PCDHA10: variants seen among roughly 807,000 people sequenced by gnomAD.
PCDHA10 encodes the protein protocadherin alpha-10.
A neutral mutation model predicts 61.2 loss-of-function variants in PCDHA10; 45 were observed. The ratio of observed to expected loss-of-function variants is 0.74; its 90% CI spans 0.58 to 0.94. PCDHA10 has a LOEUF of 0.94. Among genes scored for constraint, PCDHA10 ranks in the 40% least tolerant of loss-of-function variants. The pLI, the probability that PCDHA10 is intolerant of heterozygous loss-of-function variation, is 0.00. For synonymous variants in PCDHA10, 602 were observed against 548.8 expected (o/e 1.10, Z -1.35); for missense variants, 1,278 against 1,236.2 (o/e 1.03, Z -0.51).
intron 1 of PCDHA10, among the ~76,000 whole-genome samples, chr5:140,895,392 C>T (rs983338513): frequency 6.6e-5 from 10 of 152,148 alleles, no homozygotes; most frequent in African/African-American, 2.4e-4. Context: ...CAATTCTCAA[C>T]ACCATCAAAA....
chr5:140,890,608 G>A (rs1451973329), intron 1 of PCDHA10, among the ~76,000 whole-genome samples: 1 of 152,026 alleles, frequency 6.6e-6, no homozygotes, highest in African/African-American at 2.4e-5. Flanking sequence ...AATAGCTAGT[G>A]CTTACCCTAG....
chr5:140,869,670 T>G, intron 1 of PCDHA10: 1 of 1,613,470 alleles, frequency 6.2e-7, no homozygotes, highest in Non-Finnish European at 8.5e-7. Context: ...GTAAGCAGAT[T>G]AAAAGACTGT....
At chr5:140,941,313 C>T (rs1585057947) in intron 1 of PCDHA10, among the ~76,000 whole-genome samples, 2 of 104,888 alleles carry the variant, frequency 1.9e-5, no homozygotes, top group Non-Finnish European at 4.0e-5. Context: ...TCTTTTTCTT[C>T]TTTCTCTTTT....
rs372349337 is a variant in PCDHA10, at chr5:140,882,421, C to A, written c.2388+23985C>A. On this transcript the variant is annotated intron_variant, in intron 1 of 3. Transcript: ENST00000307360. ...CCTTCGTGGGCCGCATCGCTCAGGA[C>A]CTGGGGCTGGAGCTGGCGGAGCTGG... is the stretch of plus-strand genomic sequence containing the variant. 5.0e-6 allele frequency: 8 copies of A among 1,613,986 alleles called. No homozygotes were observed. The African/African-American group carries it at 8.0e-5, about 16-fold the overall frequency.
rs139607260 is a variant in PCDHA10, at chr5:140,954,243, A to C, written c.2389-24706A>C. ...TATTGTGAATAGTGCTGCAATGAAC[A>C]TACACATGCAGGTATCTTTATAATA... On this transcript the variant is annotated intron_variant, in intron 1 of 3. Transcript: ENST00000307360. Among the ~76,000 whole-genome samples the C allele has an allele frequency of 3.2e-4, 49 of 152,350 alleles. No individual in the cohort carries two copies. In the East Asian group the frequency reaches 9.1e-3, roughly 28 times the overall value.
At chr5:140,918,560 G>A (rs1243205653) in intron 1 of PCDHA10, among the ~76,000 whole-genome samples, 1 of 152,180 alleles carries the variant, frequency 6.6e-6, no homozygotes, top group Non-Finnish European at 1.5e-5. Context: ...TGAGAAGAAT[G>A]TATATTATGC....
intron 1 of PCDHA10, chr5:140,867,633 T>C (rs1479252473): frequency 2.6e-5 from 4 of 152,136 alleles, no homozygotes; most frequent in Admixed American, 2.0e-4. Context: ...ATATTTAAGC[T>C]AGAGTGATAT....
chr5:140,869,964 T>A (rs546576795), intron 1 of PCDHA10: 1 of 1,613,046 alleles, frequency 6.2e-7, no homozygotes, highest in African/African-American at 1.3e-5. Context: ...TTAAGCCCAA[T>A]GGAAGACACT....
intron 1 of PCDHA10, among the ~76,000 whole-genome samples, chr5:140,886,063 G>A (rs547299842): frequency 3.3e-5 from 5 of 152,172 alleles, no homozygotes; most frequent in East Asian, 1.9e-4. Flanking sequence ...TTACAAAAGC[G>A]TAGGGCCATA....
intron 1 of PCDHA10, among the ~76,000 whole-genome samples, chr5:140,922,935 G>A (rs1484457119): frequency 6.6e-6 from 1 of 152,130 alleles, no homozygotes; most frequent in Non-Finnish European, 1.5e-5. Flanking sequence ...TTTACTTCCA[G>A]CAATGGAAAT....
intron 1 of PCDHA10, among the ~76,000 whole-genome samples, chr5:140,962,106 C>T (rs1156902232): frequency 4.6e-5 from 7 of 152,130 alleles, no homozygotes; most frequent in Non-Finnish European, 7.4e-5. Context: ...AGGATGGTCT[C>T]GATCTCCTAA....
chr5:140,857,567 G>T lies in PCDHA10; in HGVS notation c.1519G>T (p.Val507Leu), dbSNP rs139473255. 8 of 1,596,870 alleles carry T rather than the reference G, an allele frequency of 5.0e-6. No individual in the cohort carries two copies. Among genetic ancestry groups the T allele is most frequent in the African/African-American group, 2.7e-5 (2 of 74,384 alleles). The change falls in exon 1 of 4, where the codon GTG (valine) becomes TTG (leucine). Residue 507 changes from valine to leucine, a missense_variant. Transcript: ENST00000307360. Reference sequence around the variant, plus strand: ...GGGCGAGCGCTCGCTGTCGAGCTACGTGTCGGTGCACGCGGAGAGCGGCAA... The same window carrying T: ...GGGCGAGCGCTCGCTGTCGAGCTACTTGTCGGTGCACGCGGAGAGCGGCAA... Reference protein sequence around the residue: ...RLGERSLSSYVSVHAESGKVY... With the variant: ...RLGERSLSSYLSVHAESGKVY...
chr5:140,877,087 G>C lies in PCDHA10; in HGVS notation c.2388+18651G>C. On this transcript the variant is annotated intron_variant, in intron 1 of 3. Transcript: ENST00000307360. ...GCTGCAGTTCCAGGTGAGCGCGCGC[G>C]ACGCCGGCGTGCCGCCTCTGGGCAG... 2.5e-6 allele frequency: 4 copies of C among 1,613,212 alleles called. No homozygotes were observed. The South Asian group carries it at 3.3e-5, about 13-fold the overall frequency.
At chr5:140,988,489 C>G (rs1197670303) in intron 3 of PCDHA10, among the ~76,000 whole-genome samples, 4 of 152,134 alleles carry the variant, frequency 2.6e-5, no homozygotes, top group Non-Finnish European at 5.9e-5. Flanking sequence ...CATCCCCTAC[C>G]TAGGAGAAGC....
chr5:140,933,865 A>G (rs918877939), intron 1 of PCDHA10, among the ~76,000 whole-genome samples: 14 of 151,864 alleles, frequency 9.2e-5, no homozygotes, highest in African/African-American at 1.4e-4. Flanking sequence ...TTTTTCAGAT[A>G]TATGTTAGTT....
chr5:140,915,626 GTCTC>G (rs57920489), intron 1 of PCDHA10, among the ~76,000 whole-genome samples: 182 of 146,478 alleles, frequency 1.2e-3, no homozygotes, highest in East Asian at 9.3e-3. Flanking sequence ...GTCTCTTTCT[GTCTC>G]TCTCTCTCTC....
At chr5:140,870,052 A>G (rs782520778) in intron 1 of PCDHA10, 7 of 1,613,830 alleles carry the variant, frequency 4.3e-6, no homozygotes, top group Non-Finnish European at 5.1e-6. Flanking sequence ...GTTTTATAAA[A>G]TTGAAGTACA....
chr5:140,954,543 A>G (rs1344952646), intron 1 of PCDHA10, among the ~76,000 whole-genome samples: 1 of 151,924 alleles, frequency 6.6e-6, no homozygotes, highest in Non-Finnish European at 1.5e-5. Flanking sequence ...TTTTTTTCAT[A>G]TGTTTGTTGG....
In PCDHA10 at chr5:140,928,822, C is replaced by G. The variant is rs782187448; in HGVS notation, c.2389-50127C>G. ...GGTAGTGGTTCGGGACCATGGAGAC[C>G]CACCACTTTCCTCCTCTGTCACTCT... On this transcript the variant is annotated intron_variant, in intron 1 of 3. Coordinates refer to ENST00000307360, the MANE Select transcript of PCDHA10 (RefSeq NM_018901.4). 6 of 1,614,116 alleles carry G rather than the reference C, an allele frequency of 3.7e-6. No individual in the cohort carries two copies. The South Asian group carries it at 6.6e-5, about 18-fold the overall frequency.
Sources: allele counts gnomAD v4.1 joint callset (sites outside exome capture counted in the v4.1 genomes callset), GRCh38; gene constraint gnomAD v4.1.1; transcripts MANE v1.5; gene names NCBI Gene and HGNC (gene_info 2026-07-23, HGNC 2026-07-21).